The following TBC1D14 variants were observed in gnomAD, a reference collection of about 807,000 sequenced individuals.
TBC1D14 encodes TBC1 domain family member 14, also known as TBC1 domain family, member 14.
Under a neutral mutation model 79.0 loss-of-function variants are expected in TBC1D14, and 26 were observed. The ratio of observed to expected loss-of-function variants is 0.33; its 90% confidence interval spans 0.24 to 0.46. The LOEUF (loss-of-function observed/expected upper bound fraction) is 0.46. Among genes scored for constraint, TBC1D14 ranks in the 20% least tolerant of loss-of-function variants. The pLI, the probability that TBC1D14 is intolerant of heterozygous loss-of-function variation, is 1.00. For synonymous variants in TBC1D14, 394 were observed against 349.9 expected (o/e 1.13, Z -1.40); for missense variants, 769 against 887.6 (o/e 0.87, Z 1.70).
chr4:6,968,332 G>A (rs554533822), intron 3 of TBC1D14, among the ~76,000 whole-genome samples: 48 of 152,278 alleles, frequency 3.2e-4, no homozygotes, highest in Non-Finnish European at 5.7e-4. Flanking sequence ...GACAACTGAG[G>A]TTAAAGGTGT....
intron 2 of TBC1D14, among the ~76,000 whole-genome samples, chr4:6,944,130 G>T (rs1018883542): frequency 6.6e-6 from 1 of 152,086 alleles, no homozygotes; most frequent in Admixed American, 6.6e-5. Context: ...CTTCGGCGTC[G>T]TTCTATTTTT....
intron 11 of TBC1D14, among the ~76,000 whole-genome samples, chr4:7,013,804 C>T (rs1239650826): frequency 2.0e-5 from 3 of 151,252 alleles, no homozygotes; most frequent in Admixed American, 6.6e-5. Context: ...AGTGCAGTGG[C>T]GCAATCTCGG....
intron 12 of TBC1D14, among the ~76,000 whole-genome samples, chr4:7,017,003 A>G (rs1721353812): frequency 6.6e-6 from 1 of 152,084 alleles, no homozygotes; most frequent in South Asian, 2.1e-4. Context: ...TTTATAGAGG[A>G]AAAAAACAGG....
chr4:6,927,433 C>T (rs547612057), intron 2 of TBC1D14, among the ~76,000 whole-genome samples: 2 of 152,316 alleles, frequency 1.3e-5, no homozygotes, highest in Non-Finnish European at 2.9e-5. Context: ...GATAAAACTA[C>T]TGTATAAGGT....
intron 5 of TBC1D14, among the ~76,000 whole-genome samples, chr4:6,998,210 A>T (rs1422334102): frequency 6.6e-6 from 1 of 152,038 alleles, no homozygotes; most frequent in Non-Finnish European, 1.5e-5. Flanking sequence ...AAATACAAAA[A>T]TTAGCTGGGC....
chr4:7,023,765 T>C (rs1577190478), intron 12 of TBC1D14, among the ~76,000 whole-genome samples: 1 of 152,322 alleles, frequency 6.6e-6, no homozygotes, highest in African/African-American at 2.4e-5. Flanking sequence ...TGTAGTGAGA[T>C]GAGAGAGCCC....
In TBC1D14 at chr4:7,007,145, G is replaced by A. The variant is rs541936747; in HGVS notation, c.1446+419G>A. ...CAGATGAGCCCAGTGCAGTGAGCCC[G>A]TGTGAGAAAGGGAAATCCCTGGCAG... is the stretch of plus-strand genomic sequence containing the variant. On this transcript the variant is annotated intron_variant, in intron 9 of 13. Coordinates refer to ENST00000409757, the MANE Select transcript of TBC1D14 (RefSeq NM_020773.3). Among the ~76,000 whole-genome samples the A allele has an allele frequency of 1.9e-4, 29 of 152,300 alleles. 1 individual carries two copies. The highest frequency in any genetic ancestry group is 1.9e-3 in the South Asian group (9 of 4,832).
chr4:6,918,664 C>T (rs1723594916), intron 1 of TBC1D14, among the ~76,000 whole-genome samples: 1 of 152,186 alleles, frequency 6.6e-6, no homozygotes, highest in South Asian at 2.1e-4. Context: ...TCAGCTGGGC[C>T]TGCGAGAGGC....
intron 9 of TBC1D14, among the ~76,000 whole-genome samples, chr4:7,006,970 A>G (rs149960546): frequency 6.6e-6 from 1 of 152,314 alleles, no homozygotes; most frequent in East Asian, 1.9e-4. Context: ...CTCTTGAGAT[A>G]CATGTCTCGG....
At chr4:6,955,214 T>C (rs1409988298) in intron 2 of TBC1D14, among the ~76,000 whole-genome samples, 1 of 152,190 alleles carries the variant, frequency 6.6e-6, no homozygotes, top group African/African-American at 2.4e-5. Flanking sequence ...TATGAATGTG[T>C]GTGGCAATGT....
At chr4:6,950,854 G>A (rs546352717) in intron 2 of TBC1D14, among the ~76,000 whole-genome samples, 6 of 152,016 alleles carry the variant, frequency 3.9e-5, no homozygotes, top group Non-Finnish European at 8.8e-5. Context: ...TAAGGGTATG[G>A]GCTGTAATTT....
chr4:6,967,334 G>T lies in TBC1D14; in HGVS notation c.753G>T (p.Arg251Ser), dbSNP rs1715792110. 1 of 1,613,974 alleles carries T rather than the reference G, an allele frequency of 6.2e-7. No homozygotes were observed. The highest frequency in any genetic ancestry group is 8.5e-7 in the Non-Finnish European group (1 of 1,179,982). Residue 251 changes from arginine (R) to serine (S), a missense_variant, in exon 3 of 14, where the codon AGG becomes AGT. Physicochemically the swap from Arg to Ser is moderately radical, Grantham distance 110 (BLOSUM62 -1). Coordinates refer to ENST00000409757, the MANE Select transcript of TBC1D14 (RefSeq NM_020773.3). ...RNLLARKQSARLDKHNDLGWK... is the reference protein window; with the variant it reads ...RNLLARKQSASLDKHNDLGWK... ...TGCTTGCTAGAAAACAAAGTGCAAG[G>T]CTTGACAAACACAATGACTTGGGAT...
rs571171114 is a variant in TBC1D14 at position 7,000,406 on chromosome 4, G to A, written c.1164-739G>A. Among the ~76,000 whole-genome samples, 3 of 152,266 alleles carry A rather than the reference G, an allele frequency of 2.0e-5. No individual in the cohort carries two copies. In the South Asian group the frequency reaches 6.2e-4, roughly 32 times the overall value. On this transcript the variant is annotated intron_variant, in intron 6 of 13. Coordinates refer to ENST00000409757, the MANE Select transcript of TBC1D14 (RefSeq NM_020773.3). Reference sequence around the variant, plus strand: ...TGTAGGTTTCATCGTCTTGACTTTCGAGAGGATGGTATAGGTTCAGAGAGG... The same window carrying A: ...TGTAGGTTTCATCGTCTTGACTTTCAAGAGGATGGTATAGGTTCAGAGAGG...
At chr4:7,029,800 G>A (rs556621691) in intron 13 of TBC1D14, among the ~76,000 whole-genome samples, 1 of 152,318 alleles carries the variant, frequency 6.6e-6, no homozygotes, top group African/African-American at 2.4e-5. Flanking sequence ...ACTCCAGCCT[G>A]GGTGACAGAG....
intron 2 of TBC1D14, among the ~76,000 whole-genome samples, chr4:6,952,676 A>G (rs1440754660): frequency 6.6e-6 from 1 of 152,152 alleles, no homozygotes; most frequent in Non-Finnish European, 1.5e-5. Flanking sequence ...ACACACAGAC[A>G]GGTGTTTTCT....
At chr4:6,912,126 C>T (rs912615336) in intron 1 of TBC1D14, among the ~76,000 whole-genome samples, 3 of 152,268 alleles carry the variant, frequency 2.0e-5, no homozygotes, top group East Asian at 3.9e-4. Flanking sequence ...CGCAGTGGCT[C>T]ATGCCTGTAA....
chr4:7,017,871 C>T (rs1345090470), intron 12 of TBC1D14, among the ~76,000 whole-genome samples: 1 of 152,184 alleles, frequency 6.6e-6, no homozygotes, highest in East Asian at 1.9e-4. Context: ...TGGTGGTCCG[C>T]AGTGATTCAG....
At chr4:6,925,902 G>C (rs890892553) in intron 2 of TBC1D14, among the ~76,000 whole-genome samples, 1 of 152,192 alleles carries the variant, frequency 6.6e-6, no homozygotes, top group Non-Finnish European at 1.5e-5. Context: ...AGAATCAGAA[G>C]CTCAGCGAGA....
At chr4:6,954,640 G>A (rs1477527318) in intron 2 of TBC1D14, among the ~76,000 whole-genome samples, 3 of 152,064 alleles carry the variant, frequency 2.0e-5, no homozygotes, top group African/African-American at 7.2e-5. Flanking sequence ...TGGTTCTGTC[G>A]CCCAGGCTGG....
Sources: allele counts gnomAD v4.1 joint callset (sites outside exome capture counted in the v4.1 genomes callset), GRCh38; gene constraint gnomAD v4.1.1; transcripts MANE v1.5; gene names NCBI Gene and HGNC (gene_info 2026-07-23, HGNC 2026-07-21).